MYLIP: variants seen among roughly 807,000 people sequenced by gnomAD.
MYLIP encodes myosin regulatory light chain interacting protein.
Under a neutral mutation model 45.8 loss-of-function variants are expected in MYLIP, and 26 were observed. That is an observed-to-expected ratio of 0.57 (90% CI 0.42 to 0.79). The LOEUF (loss-of-function observed/expected upper bound fraction) is 0.79, where lower values mean the gene tolerates loss of function less well. MYLIP is among the 30% of genes least tolerant of loss of function. The probability of loss-of-function intolerance (pLI) is 0.00; values close to 1 mark genes in which losing one functional copy is unlikely to be tolerated. For synonymous variants in MYLIP, 213 were observed against 218.1 expected (o/e 0.98, Z 0.21); for missense variants, 494 against 555.6 (o/e 0.89, Z 1.11).
intron 2 of MYLIP, among the ~76,000 whole-genome samples, chr6:16,139,616 T>C (rs1311624142): frequency 6.6e-6 from 1 of 152,252 alleles, no homozygotes; most frequent in African/African-American, 2.4e-5. Context: ...TTTTGAGGCC[T>C]GCAACAGTGT....
chr6:16,150,015 A>G (rs561775872), downstream of MYLIP, among the ~76,000 whole-genome samples: 2 of 152,346 alleles, frequency 1.3e-5, no homozygotes, highest in African/African-American at 4.8e-5. Context: ...GATGATGAAG[A>G]TAAAGAGAAA....
At chr6:16,141,250 T>C (rs1759664970) in intron 2 of MYLIP, among the ~76,000 whole-genome samples, 1 of 152,214 alleles carries the variant, frequency 6.6e-6, no homozygotes, top group African/African-American at 2.4e-5. Flanking sequence ...TTTGTCTTTA[T>C]GTATAGAGTT....
chr6:16,139,553 G>C (rs1289648184), intron 2 of MYLIP, among the ~76,000 whole-genome samples: 1 of 152,220 alleles, frequency 6.6e-6, no homozygotes, highest in East Asian at 1.9e-4. Context: ...GTCGAATACA[G>C]AGATGGGTAC....
At chr6:16,143,978 A>C in intron 5 of MYLIP, 115 bp downstream of exon 5, 4 of 1,202,528 alleles carry the variant, frequency 3.3e-6, no homozygotes, top group Non-Finnish European at 4.6e-6. Context: ...TACAGAATTT[A>C]AGAAATTCTG....
At position 16,143,034 on chromosome 6, in the gene MYLIP, A is replaced by T. The variant is rs147654236; in HGVS notation, c.479A>T (p.His160Leu). 5.3e-5 allele frequency: 85 copies of T among 1,613,936 alleles called. No homozygotes were observed. Among genetic ancestry groups the T allele is most frequent in the Non-Finnish European group, 6.9e-5 (81 of 1,179,932 alleles). Residue 160 changes from histidine to leucine, a missense_variant, in exon 4 of 7, where the codon CAT becomes CTT. His to Leu is a moderately conservative substitution (Grantham distance 99, BLOSUM62 -3). Coordinates refer to ENST00000356840, the MANE Select transcript of MYLIP (RefSeq NM_013262.4). ...SATLNSIVAK[H>L]KELEGTSQAS... ...GTGTCCTCCAGCATTGTTGCAAAAC[A>T]TAAGGAGTTGGAGGGGACCAGCCAG...
chr6:16,158,979 T>C, the MYLIP span, among the ~76,000 whole-genome samples: 2 of 152,228 alleles, frequency 1.3e-5, no homozygotes, highest in Non-Finnish European at 2.9e-5. Context: ...CAGAATATAG[T>C]AACCACTCCG....
chr6:16,139,257 C>G (rs1014510771), intron 2 of MYLIP, among the ~76,000 whole-genome samples: 1 of 151,926 alleles, frequency 6.6e-6, no homozygotes, highest in African/African-American at 2.4e-5. Context: ...AAAAATTAGA[C>G]AGGCATGGTC....
At chr6:16,132,963 T>C (rs1759487408) in intron 2 of MYLIP, among the ~76,000 whole-genome samples, 1 of 152,242 alleles carries the variant, frequency 6.6e-6, no homozygotes, top group African/African-American at 2.4e-5. Context: ...TGAAAGTATC[T>C]AGACAGTTTA....
chr6:16,129,281 A>G lies in MYLIP; in HGVS notation c.-42A>G. Reference sequence around the variant, plus strand: ...GTGACAAGGCGGCAGCCCCGCGCACACCAAAGAGAAGGCGGCTGTGGCGGC... The same window carrying G: ...GTGACAAGGCGGCAGCCCCGCGCACGCCAAAGAGAAGGCGGCTGTGGCGGC... On this transcript the variant is annotated 5_prime_UTR_variant, in exon 1 of 7. Transcript: ENST00000356840. This position sits in a 1 kb window ranked among gnomAD's most constrained non-coding sequence, Gnocchi z 5.1. The G allele has an allele frequency of 1.9e-6, 3 of 1,545,650 alleles. No individual in the cohort carries two copies. The highest frequency in any genetic ancestry group is 4.9e-5 in the East Asian group (2 of 40,876).
chr6:16,138,888 C>T (rs1341777684), intron 2 of MYLIP, among the ~76,000 whole-genome samples: 1 of 152,130 alleles, frequency 6.6e-6, no homozygotes, highest in African/African-American at 2.4e-5. Flanking sequence ...TCAATCATCG[C>T]CCTTGCTAGA....
At chr6:16,159,569 T>C in the MYLIP span, among the ~76,000 whole-genome samples, 1 of 152,206 alleles carries the variant, frequency 6.6e-6, no homozygotes, top group African/African-American at 2.4e-5. Flanking sequence ...TCTGTTGTGT[T>C]CAAACACAGT....
chr6:16,149,732 T>A (rs1282730194), downstream of MYLIP, among the ~76,000 whole-genome samples: 1 of 152,182 alleles, frequency 6.6e-6, no homozygotes, highest in Non-Finnish European at 1.5e-5. Flanking sequence ...AAGAGAACAG[T>A]GGCAGAGAAC....
downstream of MYLIP, among the ~76,000 whole-genome samples, chr6:16,151,039 G>A (rs796196530): frequency 3.5e-4 from 54 of 152,188 alleles, no homozygotes; most frequent in African/African-American, 1.2e-3. Context: ...GAACAGGTGT[G>A]GGGAAATTTC....
At chr6:16,143,601 C>T in intron 4 of MYLIP, 98 bp from the exon 5 acceptor site, 1 of 1,283,790 alleles carries the variant, frequency 7.8e-7, no homozygotes, top group Non-Finnish European at 1.1e-6. Flanking sequence ...TCTGATTTTT[C>T]TGCTAGGTCA....
intron 5 of MYLIP, 114 bp from the exon 6 acceptor site, chr6:16,144,783 A>G (rs1759749693): frequency 8.3e-7 from 1 of 1,199,442 alleles, no homozygotes; most frequent in Non-Finnish European, 1.2e-6. Context: ...ACTTTCATAC[A>G]TGCAGACGAG....
chr6:16,157,330 C>T, the MYLIP span, among the ~76,000 whole-genome samples: 1 of 152,252 alleles, frequency 6.6e-6, no homozygotes. Context: ...TGAACCAACA[C>T]ATACCATCAG....
Position 16,145,032 on chromosome 6 carries a change from G to T in MYLIP, c.963G>T (p.Glu321Asp). The T allele has an allele frequency of 1.9e-6, 3 of 1,614,212 alleles. No individual in the cohort carries two copies. Among genetic ancestry groups the T allele is most frequent in the Non-Finnish European group, 1.7e-6 (2 of 1,180,038 alleles). Residue 321 changes from glutamate (E) to aspartate (D), a missense_variant, in exon 6 of 7, where the codon GAG (glutamate) becomes GAT (aspartate). Transcript: ENST00000356840. ...YVFDIKRTSK[E>D]VYDHARRALY... ...TTGATATTAAAAGAACATCAAAGGA[G>T]GTGTATGACCATGCCAGGAGGGCTC... is the stretch of plus-strand genomic sequence containing the variant.
Position 16,144,983 on chromosome 6 carries a change from T to C in MYLIP, c.914T>C (p.Ile305Thr). The change falls in exon 6 of 7, where the codon ATT becomes ACT. Residue 305 changes from isoleucine (I) to threonine (T), a missense_variant. By Grantham distance (89) the Ile-to-Thr change is moderately conservative. Coordinates refer to ENST00000356840, the MANE Select transcript of MYLIP (RefSeq NM_013262.4). ...HLASLFLNEN[I>T]NLGKKYVFDI... ...GCATCTCTGTTTCTGAATGAAAACA[T>C]TAACCTTGGCAAGAAATATGTCTTT... 6.2e-7 allele frequency: 1 copy of C among 1,614,218 alleles called. No individual in the cohort carries two copies.
chr6:16,162,279 A>G, the MYLIP span, among the ~76,000 whole-genome samples: 1 of 152,224 alleles, frequency 6.6e-6, no homozygotes, highest in Non-Finnish European at 1.5e-5. Context: ...GTTCAGGCTC[A>G]GAGCAGACCA....
Sources: gnomAD v4.1 joint callset for allele counts (sites outside exome capture counted in the v4.1 genomes callset) on GRCh38, gnomAD v4.1.1 for gene constraint, Gnocchi (gnomAD v3.1) non-coding constraint, MANE v1.5 for transcripts, NCBI Gene and HGNC (gene_info 2026-07-23, HGNC 2026-07-21) for gene names.